Variants in KAZN observed in about 807,000 individuals in gnomAD.
The protein encoded by KAZN is kazrin.
In KAZN, 40 loss-of-function variants were observed where a neutral mutation model predicts 87.4. That is an observed-to-expected ratio of 0.46 (90% CI 0.36 to 0.60). The LOEUF is 0.60. Ranked by LOEUF, KAZN falls within the 20% of genes least tolerant of loss-of-function variation. The pLI, the probability that KAZN is intolerant of heterozygous loss-of-function variation, is 0.00. For missense variants in KAZN, 898 were observed against 1,073.9 expected, an observed-to-expected ratio of 0.84 and a Z score of 2.29; for synonymous variants, 466 against 458.3, an observed-to-expected ratio of 1.02 and a Z score of -0.22.
intron 1 of KAZN, among the ~76,000 whole-genome samples, chr1:14,139,840 A>G (rs1645192809): frequency 1.3e-5 from 2 of 152,142 alleles, no homozygotes; most frequent in South Asian, 2.1e-4. Context: ...TTTCTCTAAA[A>G]TTCTTTATGG....
chr1:14,854,854 G>A (rs535712514), intron 1 of KAZN, among the ~76,000 whole-genome samples: 7 of 152,252 alleles, frequency 4.6e-5, no homozygotes, highest in East Asian at 1.9e-4. Flanking sequence ...GTGTGAGGCC[G>A]AATTCAGGAT....
chr1:14,306,415 T>C (rs534141012), intron 2 of KAZN, among the ~76,000 whole-genome samples: 1 of 152,252 alleles, frequency 6.6e-6, no homozygotes, highest in African/African-American at 2.4e-5. Context: ...TCACAGCCTC[T>C]CCAACAGGCC....
At chr1:14,497,830 A>G (rs984494835) in intron 2 of KAZN, among the ~76,000 whole-genome samples, 13 of 152,154 alleles carry the variant, frequency 8.5e-5, no homozygotes, top group Non-Finnish European at 1.8e-4. Flanking sequence ...TGGAAAAAAA[A>G]AAAGAGGAAG....
At chr1:14,390,993 G>C (rs1250024170) in intron 2 of KAZN, among the ~76,000 whole-genome samples, 1 of 152,258 alleles carries the variant, frequency 6.6e-6, no homozygotes, top group Non-Finnish European at 1.5e-5. Flanking sequence ...CTTCGACTCA[G>C]AGTGAGGTGA....
intron 1 of KAZN, among the ~76,000 whole-genome samples, chr1:14,766,874 C>T (rs1644898097): frequency 6.6e-6 from 1 of 151,854 alleles, no homozygotes; most frequent in Non-Finnish European, 1.5e-5. Context: ...CGTTCACATA[C>T]AGTAAACATT....
intron 1 of KAZN, among the ~76,000 whole-genome samples, chr1:13,988,536 G>T (rs942494348): frequency 2.0e-5 from 3 of 152,112 alleles, no homozygotes; most frequent in African/African-American, 7.2e-5. Flanking sequence ...AGCGCATGGG[G>T]TGTCATCTAG....
At chr1:14,141,246 AAAAAAAAC>A (rs1645230500) in intron 1 of KAZN, among the ~76,000 whole-genome samples, 1 of 151,366 alleles carries the variant, frequency 6.6e-6, no homozygotes, top group Admixed American at 6.6e-5. Flanking sequence ...TAAAAAAAAA[AAAAAAAAC>A]AAAACTAAAA....
At chr1:14,415,994 C>T (rs1376176365) in intron 2 of KAZN, among the ~76,000 whole-genome samples, 12 of 152,150 alleles carry the variant, frequency 7.9e-5, no homozygotes. Context: ...GGAGACACCA[C>T]ATGCAGGAGA....
intron 1 of KAZN, among the ~76,000 whole-genome samples, chr1:14,701,050 C>T (rs1260427069): frequency 6.6e-6 from 1 of 152,200 alleles, no homozygotes; most frequent in African/African-American, 2.4e-5. Context: ...CTGTATTGGA[C>T]ATTTCAAAAG....
intron 2 of KAZN, among the ~76,000 whole-genome samples, chr1:14,556,910 A>G (rs987893450): frequency 4.6e-5 from 7 of 152,176 alleles, no homozygotes; most frequent in Admixed American, 2.0e-4. Context: ...TGCTTTAAGG[A>G]ACAGTTTGTC....
At chr1:15,000,947 T>A (rs1668404072) in intron 2 of KAZN, among the ~76,000 whole-genome samples, 1 of 151,486 alleles carries the variant, frequency 6.6e-6, no homozygotes, top group Non-Finnish European at 1.5e-5. Context: ...CTAAAAAAAT[T>A]TAAACATTAT....
chr1:14,992,372 G>C (rs1182719422), intron 2 of KAZN, among the ~76,000 whole-genome samples: 1 of 152,146 alleles, frequency 6.6e-6, no homozygotes, highest in East Asian at 1.9e-4. Flanking sequence ...CCCTCACCCC[G>C]TGTGAGCACC....
chr1:14,948,626 G>C (rs1382782263), intron 1 of KAZN, among the ~76,000 whole-genome samples: 1 of 152,194 alleles, frequency 6.6e-6, no homozygotes, highest in African/African-American at 2.4e-5. Flanking sequence ...ATAGATGTCA[G>C]CCAGACAGAA....
chr1:13,894,124 C>T (rs1638943222), intron 1 of KAZN, among the ~76,000 whole-genome samples: 1 of 152,066 alleles, frequency 6.6e-6, no homozygotes, highest in Non-Finnish European at 1.5e-5. Context: ...CCAGTCGTAG[C>T]CTGGTTGCCT....
At chr1:14,824,820 C>T (rs1412787847) in intron 1 of KAZN, among the ~76,000 whole-genome samples, 2 of 152,218 alleles carry the variant, frequency 1.3e-5, no homozygotes, top group African/African-American at 4.8e-5. Context: ...TGTTGACTTC[C>T]TGACACTTGG....
intron 2 of KAZN, among the ~76,000 whole-genome samples, chr1:14,558,462 G>A (rs1674050413): frequency 6.6e-6 from 1 of 152,142 alleles, no homozygotes; most frequent in Admixed American, 6.5e-5. Context: ...GAGGTCCTTG[G>A]ATGAGCCAGC....
rs147520202 is a variant in KAZN, at chr1:14,185,761, A to G, written c.249+5169A>G. ...TTCTGTACTCACCCTTCCTGTTTAG[A>G]AGAAATGGAGGATAAGACATAAAAT... On this transcript the variant is annotated intron_variant, in intron 2 of 16. Coordinates refer to the KAZN transcript ENST00000636203. 6.3e-3 allele frequency among the ~76,000 whole-genome samples: 965 copies of G among 152,292 alleles called. 3 individuals carry two copies. The highest frequency in any genetic ancestry group is 9.5e-3 in the Non-Finnish European group (648 of 68,018).
intron 1 of KAZN, among the ~76,000 whole-genome samples, chr1:14,932,884 A>G (rs1175452890): frequency 4.6e-5 from 7 of 152,208 alleles, no homozygotes; most frequent in Non-Finnish European, 1.0e-4. Flanking sequence ...CATTAAGCGC[A>G]TTTACAGTGT....
At position 15,112,505 on chromosome 1, in the gene KAZN, G is replaced by A. The variant is rs1393726262; in HGVS notation, c.2127G>A (p.Glu709=). ...CCAGCGTCACGCGGGCAGGAAAGGA[G>A]GAGAACAGCAGCGGTCTCAAGTACA... ...RASSVTRAGK[E]ENSSGLKYKA... Residue 709 remains glutamate (E), a synonymous_variant, in exon 14 of 15, where the codon GAG becomes GAA. Coordinates refer to ENST00000376030, the MANE Select transcript of KAZN (RefSeq NM_201628.3). 2 of 1,608,666 alleles carry A rather than the reference G, an allele frequency of 1.2e-6. No individual in the cohort carries two copies. Among genetic ancestry groups the A allele is most frequent in the Admixed American group, 3.4e-5 (2 of 59,276 alleles).
Sources: allele counts gnomAD v4.1 joint callset (sites outside exome capture counted in the v4.1 genomes callset), GRCh38; gene constraint gnomAD v4.1.1; transcripts MANE v1.5; gene names NCBI Gene and HGNC (gene_info 2026-07-23, HGNC 2026-07-21).